Variants in METTL14 observed in about 807,000 individuals in gnomAD.
METTL14 encodes the protein methyltransferase 14, N6-adenosine-methyltransferase non-catalytic subunit, also known as N(6)-adenosine-methyltransferase non-catalytic subunit METTL14.
METTL14 carries 32 observed loss-of-function variants against 62.4 expected under a neutral mutation model. The ratio of observed to expected loss-of-function variants is 0.51; its 90% CI spans 0.39 to 0.69. The LOEUF is 0.69. Ranked by LOEUF, METTL14 falls within the 30% of genes least tolerant of loss-of-function variation. The pLI is 0.00. For synonymous variants in METTL14, 150 were observed against 180.0 expected (o/e 0.83, Z 1.34); for missense variants, 340 against 551.9 (o/e 0.62, Z 3.85).
chr4:118,686,581 T>C, intron 1 of METTL14: 1 of 456,266 alleles, frequency 2.2e-6, no homozygotes, highest in Non-Finnish European at 4.4e-6. Flanking sequence ...CCGTGGAAAC[T>C]TGGAGTCAGA....
chr4:118,698,345 C>T lies in METTL14; in HGVS notation c.645+1022C>T, dbSNP rs372693358. ...GCACGTACCTGTAATCCCAGCTACT[C>T]GGGAGGCTGAGGCAAGACAATAGCT... On this transcript the variant is annotated intron_variant, in intron 7 of 10. Coordinates refer to ENST00000388822, the MANE Select transcript of METTL14 (RefSeq NM_020961.4). Among the ~76,000 whole-genome samples, 14 of 149,536 alleles carry T rather than the reference C, an allele frequency of 9.4e-5. No individual in the cohort carries two copies. In the East Asian group the frequency reaches 1.6e-3, roughly 17 times the overall value.
chr4:118,701,193 G>GTT lies in METTL14; in HGVS notation c.738+557_738+558dup, dbSNP rs764795759. Among the ~76,000 whole-genome samples, 55 of 137,682 alleles carry GTT rather than the reference G, an allele frequency of 4.0e-4. No homozygotes were observed. In the East Asian group the frequency reaches 8.7e-3, roughly 22 times the overall value. The allele number at this position is 137,682 out of a possible 152,430, so 90.3% of individuals were successfully genotyped here. On this transcript the variant is annotated intron_variant, in intron 8 of 10. Transcript: ENST00000388822. ...TTGGAGTTTTTTTTTGTTTTTTTTT[G>GTT]TTTTTTTGAGACAAGGTACCAACTC...
intron 6 of METTL14, among the ~76,000 whole-genome samples, chr4:118,695,636 A>G (rs1345251624): frequency 6.6e-6 from 1 of 152,214 alleles, no homozygotes; most frequent in Non-Finnish European, 1.5e-5. Context: ...AGAGTCAGGA[A>G]AGGAAGAAAA....
At position 118,696,117 on chromosome 4, in the gene METTL14, C is replaced by CAAAAAAAA. The variant is rs70941201; in HGVS notation, c.504-1044_504-1037dup. Among the ~76,000 whole-genome samples the CAAAAAAAA allele has an allele frequency of 4.1e-4, 14 of 33,902 alleles. 1 individual carries two copies. Among genetic ancestry groups the CAAAAAAAA allele is most frequent in the African/African-American group, 1.0e-3 (6 of 6,010 alleles). 22.2% of individuals were successfully genotyped at this position (33,902 alleles called of 152,430 possible). A position where few individuals can be genotyped will look rare whatever the true frequency, so the allele number is the denominator to read the frequency against. On this transcript the variant is annotated intron_variant, in intron 6 of 10. Coordinates refer to ENST00000388822, the MANE Select transcript of METTL14 (RefSeq NM_020961.4). ...CTGGCAACAGAGTGAGACTCTGTCT[C>CAAAAAAAA]AAAAAAAAAAAAAAAAAAAAAAAAA...
intron 10 of METTL14, among the ~76,000 whole-genome samples, chr4:118,707,476 C>A (rs1724788838): frequency 6.6e-6 from 1 of 151,754 alleles, no homozygotes; most frequent in South Asian, 2.1e-4. Flanking sequence ...CCAGCCTGGG[C>A]AACATGGTGA....
intron 3 of METTL14, among the ~76,000 whole-genome samples, chr4:118,690,885 A>G (rs1395752261): frequency 2.0e-5 from 3 of 152,102 alleles, no homozygotes; most frequent in African/African-American, 7.2e-5. Context: ...CTCAAGAAAA[A>G]CCCAACTTCT....
In METTL14 at chr4:118,687,958, G is replaced by A. The variant is rs904958899; in HGVS notation, c.102G>A (p.Val34=). Reference sequence around the variant, plus strand: ...AAAGTGCCGACAGCATTGGTGCCGTGTTAAATAGCAAAGATGAGCAGAGAG... The same window carrying A: ...AAAGTGCCGACAGCATTGGTGCCGTATTAAATAGCAAAGATGAGCAGAGAG... The part of the protein sequence containing the change: ...GAESADSIGA[V]LNSKDEQREI... The change falls in exon 2 of 11, where the codon GTG becomes GTA. Residue 34 remains valine, a synonymous_variant. Coordinates refer to ENST00000388822, the MANE Select transcript of METTL14 (RefSeq NM_020961.4). 8 of 1,612,002 alleles carry A rather than the reference G, an allele frequency of 5.0e-6. No homozygotes were observed. Among genetic ancestry groups the A allele is most frequent in the Admixed American group, 3.3e-5 (2 of 59,896 alleles).
chr4:118,696,255 G>T (rs1312695722), intron 6 of METTL14, among the ~76,000 whole-genome samples: 2 of 150,202 alleles, frequency 1.3e-5, no homozygotes, highest in Non-Finnish European at 3.0e-5. Context: ...TTACTTTCTT[G>T]CTTATTTACT....
chr4:118,698,452 C>CAAAAAAAAAAAAAAAAAA (rs70941202), intron 7 of METTL14, among the ~76,000 whole-genome samples: 1 of 76,658 alleles, frequency 1.3e-5, no homozygotes, highest in Non-Finnish European at 2.4e-5. Context: ...GACTCTGTCT[C>CAAAAAAAAAAAAAAAAAA]AAAAAAAAAA....
intron 1 of METTL14, 54 bp from the exon 2 acceptor site, chr4:118,687,869 C>T (rs1724122155): frequency 6.8e-7 from 1 of 1,462,082 alleles, no homozygotes; most frequent in South Asian, 1.2e-5. Flanking sequence ...TACAAATGCC[C>T]AGAAAGGCTA....
At chr4:118,688,643 G>T (rs145596961) in intron 2 of METTL14, among the ~76,000 whole-genome samples, 1 of 152,202 alleles carries the variant, frequency 6.6e-6, no homozygotes, top group East Asian at 1.9e-4. Context: ...GTTAGACTAA[G>T]AATTAGCATA....
chr4:118,692,226 C>CTTT lies in METTL14; in HGVS notation c.412+172_412+174dup, dbSNP rs11387432. 4.1e-4 allele frequency among the ~76,000 whole-genome samples: 54 copies of CTTT among 131,426 alleles called. 1 individual carries two copies. Among genetic ancestry groups the CTTT allele is most frequent in the African/African-American group, 1.3e-3 (47 of 35,486 alleles). The allele number at this position is 131,426 out of a possible 152,430, so 86.2% of individuals were successfully genotyped here. A position where few individuals can be genotyped will look rare whatever the true frequency, so the allele number is the denominator to read the frequency against. The stretch of plus-strand genomic sequence containing the variant: ...GTATACCTTCTTTTTCTTTTCTTTT[C>CTTT]TTTTTTTTTTTTTTTTGAGACAGAG... On this transcript the variant is annotated intron_variant, in intron 5 of 10. Transcript: ENST00000388822.
intron 7 of METTL14, among the ~76,000 whole-genome samples, chr4:118,698,452 CAAAAAAAAAAA>C (rs70941202): frequency 2.6e-5 from 2 of 76,628 alleles, no homozygotes; most frequent in Admixed American, 1.6e-4. Context: ...GACTCTGTCT[CAAAAAAAAAAA>C]AAAAAAAAAA....
At chr4:118,689,607 A>T in intron 3 of METTL14, 150 bp downstream of exon 3, 1 of 475,072 alleles carries the variant, frequency 2.1e-6, no homozygotes. Flanking sequence ...AGTTACATTA[A>T]GACCATTATA....
chr4:118,689,335 T>C, intron 2 of METTL14, 35 bp from the exon 3 acceptor site: 1 of 1,154,500 alleles, frequency 8.7e-7, no homozygotes, highest in Non-Finnish European at 1.3e-6. Context: ...ACATCTTGTA[T>C]ATATTTATGG....
In METTL14 at chr4:118,688,091, A is replaced by G. The variant is rs13130107; in HGVS notation, c.155+80A>G. On this transcript the variant is annotated intron_variant, in intron 2 of 10. Coordinates refer to ENST00000388822, the MANE Select transcript of METTL14 (RefSeq NM_020961.4). ...GCTTAGGCTGGATAGGCTGGAGTAC[A>G]GTAGCATGATTATGGCTCACTGCAG... is the stretch of plus-strand genomic sequence containing the variant. 346,442 of 1,156,008 alleles carry G rather than the reference A, an allele frequency of 0.3. 57,225 individuals carry two copies. The highest frequency in any genetic ancestry group is 0.52 in the Admixed American group (24,388 of 46,662). 71.6% of individuals were successfully genotyped at this position (1,156,008 alleles called of 1,614,324 possible).
At chr4:118,689,115 C>T (rs1186876387) in intron 2 of METTL14, among the ~76,000 whole-genome samples, 1 of 152,164 alleles carries the variant, frequency 6.6e-6, no homozygotes, top group South Asian at 2.1e-4. Flanking sequence ...ATAATACATA[C>T]TATATAAATT....
intron 7 of METTL14, 138 bp downstream of exon 7, chr4:118,697,461 C>A: frequency 1.3e-6 from 1 of 755,102 alleles, no homozygotes; most frequent in Non-Finnish European, 2.0e-6. Flanking sequence ...TAAATTATAG[C>A]TGAAGGTCCA....
At chr4:118,693,242 T>C (rs1249431515) in intron 5 of METTL14, among the ~76,000 whole-genome samples, 2 of 152,222 alleles carry the variant, frequency 1.3e-5, no homozygotes, top group Non-Finnish European at 2.9e-5. Flanking sequence ...TGACTAATGA[T>C]ATTGAGCATC....
Sources: allele counts gnomAD v4.1 joint callset (sites outside exome capture counted in the v4.1 genomes callset), GRCh38; gene constraint gnomAD v4.1.1; transcripts MANE v1.5; gene names NCBI Gene and HGNC (gene_info 2026-07-23, HGNC 2026-07-21).